C9orf50: variants seen among roughly 807,000 people sequenced by gnomAD.
C9orf50 encodes the protein chromosome 9 open reading frame 50.
In C9orf50, 33 loss-of-function variants were observed where a neutral mutation model predicts 42.5. That is an observed-to-expected ratio of 0.78 (90% CI 0.59 to 1.04). C9orf50 has a LOEUF of 1.04. Ranked by LOEUF, C9orf50 falls within the 50% of genes least tolerant of loss-of-function variation. The pLI is 0.00. For synonymous variants in C9orf50, 257 were observed against 273.4 expected (o/e 0.94, Z 0.59); for missense variants, 547 against 594.3 (o/e 0.92, Z 0.83).
At position 129,613,224 on chromosome 9, in the gene C9orf50, A is replaced by G; in HGVS notation, c.1071T>C (p.Leu357=). 6.2e-7 allele frequency: 1 copy of G among 1,611,862 alleles called. No individual in the cohort carries two copies. Among genetic ancestry groups the G allele is most frequent in the Non-Finnish European group, 8.5e-7 (1 of 1,178,872 alleles). ...TGCTGTTCATGGAGGTGTCCTCAGAAAGGTAGCCCTGTGTCTTCTGGGTGG... is the reference window on the plus strand; with the variant it reads ...TGCTGTTCATGGAGGTGTCCTCAGAGAGGTAGCCCTGTGTCTTCTGGGTGG... Residue 357 remains leucine, a synonymous_variant, in exon 6 of 7, where the codon CTT becomes CTC. Transcript: ENST00000372478. This position sits in a 1 kb window ranked among gnomAD's most constrained non-coding sequence, Gnocchi z 6.2.
intron 3 of C9orf50, 41 bp from the exon 4 acceptor site, chr9:129,615,688 C>G: frequency 6.7e-7 from 1 of 1,489,976 alleles, no homozygotes. Flanking sequence ...AGCCCCCCAC[C>G]GTACCCCAGC....
intron 3 of C9orf50, among the ~76,000 whole-genome samples, chr9:129,618,648 T>C (rs928857304): frequency 5.9e-5 from 9 of 152,286 alleles, no homozygotes; most frequent in African/African-American, 2.2e-4. Context: ...AATGGATGGA[T>C]GGATAGAAGT....
intron 3 of C9orf50, among the ~76,000 whole-genome samples, chr9:129,617,557 C>T (rs1424732876): frequency 6.6e-6 from 1 of 152,234 alleles, no homozygotes; most frequent in African/African-American, 2.4e-5. Flanking sequence ...TTTGTCTCTG[C>T]TTTTGCTCAC....
chr9:129,614,003 A>G lies in C9orf50; in HGVS notation c.881-406T>C, dbSNP rs531204054. On this transcript the variant is annotated intron_variant, in intron 4 of 6. Coordinates refer to ENST00000372478, the Ensembl canonical transcript of C9orf50. The surrounding 1 kb of genome is among the most constrained non-coding windows in gnomAD (Gnocchi z 4.4). ...TGGTCCAAGGACCCTGAGTTCCCCA[A>G]TGGCTGCCCCAGGATGGAAAGGGCT... is the stretch of plus-strand genomic sequence containing the variant. Among the ~76,000 whole-genome samples the G allele has an allele frequency of 1.3e-5, 2 of 152,212 alleles. No homozygotes were observed. Among genetic ancestry groups the G allele is most frequent in the South Asian group, 4.1e-4 (2 of 4,822 alleles).
chr9:129,617,699 T>G (rs568529371), intron 3 of C9orf50, among the ~76,000 whole-genome samples: 26 of 151,984 alleles, frequency 1.7e-4, no homozygotes, highest in African/African-American at 5.8e-4. Context: ...TTGTTTGTTT[T>G]TTGAGACAGG....
chr9:129,621,120 T>C (rs1830689205), upstream of C9orf50, among the ~76,000 whole-genome samples: 1 of 152,224 alleles, frequency 6.6e-6, no homozygotes, highest in Non-Finnish European at 1.5e-5. Context: ...TAGCCTGCCT[T>C]GCAGTGTTCA....
chr9:129,615,139 G>A (rs536281601), intron 4 of C9orf50, among the ~76,000 whole-genome samples: 76 of 152,346 alleles, frequency 5.0e-4, no homozygotes, highest in African/African-American at 1.6e-3. Flanking sequence ...TCCAGCCCCT[G>A]TAGGCTGTGG....
chr9:129,619,688 T>C lies in C9orf50; in HGVS notation c.599+52A>G, dbSNP rs41278710. 8.4e-3 allele frequency: 13,488 copies of C among 1,612,750 alleles called. 329 individuals carry two copies. The highest frequency in any genetic ancestry group is 0.075 in the East Asian group (3,357 of 44,864). On this transcript the variant is annotated intron_variant, in intron 2 of 6. Transcript: ENST00000372478. ...CATGAGTGGCCAGGCTGTCCCGCCC[T>C]GGAAACATCGATGGCAACCCCGTCC...
intron 3 of C9orf50, among the ~76,000 whole-genome samples, chr9:129,617,303 A>G (rs35234944): frequency 1.3e-4 from 20 of 152,324 alleles, no homozygotes; most frequent in Non-Finnish European, 2.4e-4. Flanking sequence ...GCCTGGCTAC[A>G]TGCCTTGGGA....
chr9:129,620,778 G>T (rs540227595), upstream of C9orf50: 52 of 432,398 alleles, frequency 1.2e-4, no homozygotes, highest in African/African-American at 9.8e-4. This position sits in a 1 kb window ranked among gnomAD's most constrained non-coding sequence, Gnocchi z 5.8. Flanking sequence ...CTGAAAAATG[G>T]TGACAGCAAG....
At chr9:129,615,588 C>T (rs1050313685) in exon 4 of C9orf50, 21 of 1,606,156 alleles carry the variant, frequency 1.3e-5, no homozygotes, top group Non-Finnish European at 1.8e-5. Flanking sequence ...AGAGCCTTCC[C>T]CCGAGGGGTT....
chr9:129,620,022 C>G lies in C9orf50; in HGVS notation c.508+45G>C, dbSNP rs938595092. 2.1e-6 allele frequency: 3 copies of G among 1,458,260 alleles called. No homozygotes were observed. Among genetic ancestry groups the G allele is most frequent in the Non-Finnish European group, 1.8e-6 (2 of 1,101,400 alleles). 90.3% of individuals were successfully genotyped at this position (1,458,260 alleles called of 1,614,324 possible). On this transcript the variant is annotated intron_variant, in intron 1 of 6. Coordinates refer to ENST00000372478, the Ensembl canonical transcript of C9orf50. The surrounding 1 kb of genome is among the most constrained non-coding windows in gnomAD (Gnocchi z 5.8). ...CGGGGACACAAGGGACCACCCCCCACCGGAAATGACTCGGGCCCGCCCCCC... is the reference window on the plus strand; with the variant it reads ...CGGGGACACAAGGGACCACCCCCCAGCGGAAATGACTCGGGCCCGCCCCCC...
At position 129,619,834 on chromosome 9, in the gene C9orf50, G is replaced by A; in HGVS notation, c.509-4C>T. 6.2e-7 allele frequency: 1 copy of A among 1,614,008 alleles called. No homozygotes were observed. On this transcript the variant is annotated splice_region_variant and splice_polypyrimidine_tract_variant and intron_variant, in intron 1 of 6. Transcript: ENST00000372478. The stretch of plus-strand genomic sequence containing the variant: ...TGATGTTGCGGTGCTGGGGATGCTG[G>A]AGCCAGGAGGAAACAGTTGTGAGCC...
chr9:129,615,521 C>T (rs1830328573), exon 4 of C9orf50: 2 of 1,610,544 alleles, frequency 1.2e-6, no homozygotes, highest in African/African-American at 1.3e-5. Flanking sequence ...GCGTTGTGTC[C>T]TGCAGGGTCT....
upstream of C9orf50, among the ~76,000 whole-genome samples, chr9:129,621,510 C>T (rs142935569): frequency 9.2e-5 from 14 of 152,306 alleles, no homozygotes; most frequent in African/African-American, 3.4e-4. Context: ...GCACACACCA[C>T]CACAGTTGGC....
intron 6 of C9orf50, among the ~76,000 whole-genome samples, 195 bp from the exon 7 acceptor site, chr9:129,612,649 G>A (rs1045782251): frequency 2.6e-5 from 4 of 152,202 alleles, no homozygotes; most frequent in Admixed American, 6.5e-5. Flanking sequence ...AGGCCAAGGC[G>A]GACAGATCAC....
At chr9:129,616,633 T>C (rs146592646) in intron 3 of C9orf50, among the ~76,000 whole-genome samples, 1 of 152,304 alleles carries the variant, frequency 6.6e-6, no homozygotes, top group African/African-American at 2.4e-5. Flanking sequence ...CTTTAAATTA[T>C]AGGCACAATA....
At position 129,613,512 on chromosome 9, in the gene C9orf50, C is replaced by G. The variant is rs751951762; in HGVS notation, c.966G>C (p.Glu322Asp). 6.2e-7 allele frequency: 1 copy of G among 1,614,210 alleles called. No individual in the cohort carries two copies. Among genetic ancestry groups the G allele is most frequent in the Non-Finnish European group, 8.5e-7 (1 of 1,180,044 alleles). ...CAGGGTACAGGGCTTTGGGCAAACTCTCCAGCCGTTTTCCGACACTCCCAA... is the reference window on the plus strand; with the variant it reads ...CAGGGTACAGGGCTTTGGGCAAACTGTCCAGCCGTTTTCCGACACTCCCAA... The change falls in exon 5 of 7, where the codon GAG becomes GAC. Residue 322 changes from glutamate (E) to aspartate (D), a missense_variant. Around this residue, in one of 3 missense-constraint regions of C9orf50, gnomAD observed 334 missense variants for 323.7 expected, o/e 1.03. Transcript: ENST00000372478. This position sits in a 1 kb window ranked among gnomAD's most constrained non-coding sequence, Gnocchi z 6.2.
intron 1 of C9orf50, 101 bp downstream of exon 1, chr9:129,619,966 C>T: frequency 6.8e-7 from 1 of 1,478,680 alleles, no homozygotes; most frequent in Non-Finnish European, 9.2e-7. Flanking sequence ...ACATTAGCAT[C>T]CTTCTAGCCT....
Sources: gnomAD v4.1 joint callset for allele counts (sites outside exome capture counted in the v4.1 genomes callset) on GRCh38, gnomAD v4.1.1 for gene constraint, gnomAD v4.1.1 regional missense constraint, Gnocchi (gnomAD v3.1) non-coding constraint, MANE v1.5 for transcripts, NCBI Gene and HGNC (gene_info 2026-07-23, HGNC 2026-07-21) for gene names.